Variants in ASTN2 observed in about 807,000 individuals in gnomAD.
The protein encoded by ASTN2 is astrotactin 2, also known as astrotactin-2.
A neutral mutation model predicts 139.8 loss-of-function variants in ASTN2; 54 were observed. The observed-to-expected ratio is 0.39, with a 90% CI of 0.31 to 0.48. The LOEUF is 0.48. Among genes scored for constraint, ASTN2 ranks in the 20% least tolerant of loss-of-function variants. The pLI, the probability that ASTN2 is intolerant of heterozygous loss-of-function variation, is 0.95. For missense variants in ASTN2, 1,565 were observed against 1,725.1 expected (o/e 0.91, Z 1.64); for synonymous variants, 756 against 719.5 (o/e 1.05, Z -0.81).
At chr9:116,455,348 CAAAAA>C (rs34816182) in intron 20 of ASTN2, among the ~76,000 whole-genome samples, 3 of 123,784 alleles carry the variant, frequency 2.4e-5, no homozygotes, top group Non-Finnish European at 3.4e-5. Context: ...GATTCTGTCT[CAAAAA>C]AAAAAAAAAA....
intron 13 of ASTN2, among the ~76,000 whole-genome samples, chr9:116,748,712 T>A (rs968451515): frequency 4.6e-5 from 7 of 152,164 alleles, no homozygotes; most frequent in Non-Finnish European, 1.0e-4. Flanking sequence ...TGACTCTCCC[T>A]GAATCCTAGT....
chr9:116,430,254 T>C (rs1209580957), intron 22 of ASTN2, among the ~76,000 whole-genome samples: 1 of 152,156 alleles, frequency 6.6e-6, no homozygotes, highest in Non-Finnish European at 1.5e-5. Flanking sequence ...TAGGAAAACA[T>C]ATTTGGAGTG....
intron 16 of ASTN2, chr9:116,697,637 A>C: frequency 7.0e-7 from 1 of 1,418,902 alleles, no homozygotes; most frequent in Non-Finnish European, 9.7e-7. Flanking sequence ...GAGGAAAATG[A>C]ATAATGGTTT....
At chr9:116,838,302 G>A (rs1227272066) in intron 11 of ASTN2, among the ~76,000 whole-genome samples, 1 of 151,690 alleles carries the variant, frequency 6.6e-6, no homozygotes, top group African/African-American at 2.4e-5. Flanking sequence ...AGAGGCGGGG[G>A]TTTCTCCATG....
intron 19 of ASTN2, among the ~76,000 whole-genome samples, chr9:116,531,404 A>C (rs1851338976): frequency 1.3e-5 from 2 of 152,218 alleles, no homozygotes; most frequent in Non-Finnish European, 2.9e-5. Flanking sequence ...TCTAGGGTAC[A>C]TATGCACAAC....
intron 19 of ASTN2, among the ~76,000 whole-genome samples, 171 bp from the exon 20 acceptor site, chr9:116,487,671 CT>C (rs1279545716): frequency 2.6e-5 from 4 of 152,112 alleles, no homozygotes. Flanking sequence ...CTTGATGACT[CT>C]TTGTTCATAT....
intron 20 of ASTN2, among the ~76,000 whole-genome samples, chr9:116,456,552 C>T (rs1461541787): frequency 1.3e-5 from 2 of 152,160 alleles, no homozygotes; most frequent in African/African-American, 4.8e-5. Flanking sequence ...ACTTACAGTT[C>T]CACATGTCTG....
intron 10 of ASTN2, among the ~76,000 whole-genome samples, chr9:116,895,227 G>T (rs1048110763): frequency 6.6e-6 from 1 of 152,146 alleles, no homozygotes; most frequent in Non-Finnish European, 1.5e-5. Flanking sequence ...TAAAACTATT[G>T]TATACAATTC....
At chr9:116,847,566 G>A (rs545711464) in intron 11 of ASTN2, among the ~76,000 whole-genome samples, 1 of 152,300 alleles carries the variant, frequency 6.6e-6, no homozygotes, top group African/African-American at 2.4e-5. Flanking sequence ...AATAATAATA[G>A]CTAACACTTA....
chr9:116,787,055 C>T (rs533500986), intron 13 of ASTN2, among the ~76,000 whole-genome samples: 1 of 152,334 alleles, frequency 6.6e-6, no homozygotes, highest in East Asian at 1.9e-4. Context: ...CCATGGGGAA[C>T]TGTGAGTCCA....
intron 13 of ASTN2, among the ~76,000 whole-genome samples, chr9:116,771,008 T>C (rs1470765421): frequency 1.3e-5 from 2 of 152,244 alleles, no homozygotes; most frequent in African/African-American, 2.4e-5. Context: ...AACCATTTAC[T>C]GTCTTATGTA....
At chr9:117,183,033 A>C (rs1343865540) in intron 3 of ASTN2, among the ~76,000 whole-genome samples, 2 of 152,226 alleles carry the variant, frequency 1.3e-5, no homozygotes. Context: ...TTCTAATTCC[A>C]GCTTAAATCT....
At chr9:117,205,385 T>G (rs537776500) in intron 3 of ASTN2, among the ~76,000 whole-genome samples, 3 of 152,154 alleles carry the variant, frequency 2.0e-5, no homozygotes, top group African/African-American at 4.8e-5. Flanking sequence ...ATCTTTTATT[T>G]TTATATCTAA....
At chr9:117,021,466 G>A (rs1189513140) in intron 6 of ASTN2, among the ~76,000 whole-genome samples, 1 of 152,136 alleles carries the variant, frequency 6.6e-6, no homozygotes, top group African/African-American at 2.4e-5. Context: ...ACAGGAATGG[G>A]CATGCGCAGA....
intron 19 of ASTN2, chr9:116,613,587 A>T (rs1855672283): frequency 6.4e-6 from 1 of 155,628 alleles, no homozygotes; most frequent in Admixed American, 6.5e-5. Context: ...CAAATCAATA[A>T]ATGTAATCCA....
chr9:116,439,443 G>A (rs566036186), intron 22 of ASTN2, among the ~76,000 whole-genome samples: 6 of 139,372 alleles, frequency 4.3e-5, no homozygotes, highest in Non-Finnish European at 8.9e-5. Flanking sequence ...CTCGTGATCC[G>A]CCCGCCTCGG....
intron 3 of ASTN2, among the ~76,000 whole-genome samples, chr9:117,142,903 G>C (rs1370784521): frequency 6.6e-6 from 1 of 152,102 alleles, no homozygotes. Flanking sequence ...TCTTCAGTTT[G>C]AGCTACCTGC....
intron 20 of ASTN2, among the ~76,000 whole-genome samples, chr9:116,476,009 C>T (rs1031795939): frequency 6.6e-6 from 1 of 152,140 alleles, no homozygotes; most frequent in Non-Finnish European, 1.5e-5. Context: ...AAAAGGGCAC[C>T]ACAAATTTGG....
intron 6 of ASTN2, among the ~76,000 whole-genome samples, chr9:117,032,008 C>A (rs1436203654): frequency 1.3e-5 from 2 of 152,004 alleles, no homozygotes; most frequent in Admixed American, 1.3e-4. Flanking sequence ...TAGGAGAGAG[C>A]CTAGACTTAA....
Sources: gnomAD v4.1 joint callset for allele counts (sites outside exome capture counted in the v4.1 genomes callset) on GRCh38, gnomAD v4.1.1 for gene constraint, MANE v1.5 for transcripts, NCBI Gene and HGNC (gene_info 2026-07-23, HGNC 2026-07-21) for gene names.